LRP1B: variants seen among roughly 807,000 people sequenced by gnomAD.
The protein encoded by LRP1B is low-density lipoprotein receptor-related protein 1B.
A neutral mutation model predicts 556.6 loss-of-function variants in LRP1B; 217 were observed. That is an observed-to-expected ratio of 0.39 (90% confidence interval 0.35 to 0.44). The LOEUF is 0.44. Among genes scored for constraint, LRP1B ranks in the 20% least tolerant of loss-of-function variants. The pLI is 1.00. For missense variants in LRP1B, 5,053 were observed against 5,620.8 expected, an observed-to-expected ratio of 0.90 and a Z score of 3.23; for synonymous variants, 2,047 against 1,865.8, an observed-to-expected ratio of 1.10 and a Z score of -2.50.
chr2:142,065,669 A>G (rs1004022628), intron 1 of LRP1B, among the ~76,000 whole-genome samples: 1 of 149,868 alleles, frequency 6.7e-6, no homozygotes, highest in East Asian at 2.0e-4. Flanking sequence ...TTGTGGCAGC[A>G]GGGAGGGCAT....
chr2:141,237,764 A>G (rs961176826), intron 5 of LRP1B, among the ~76,000 whole-genome samples: 2 of 152,116 alleles, frequency 1.3e-5, no homozygotes, highest in South Asian at 4.1e-4. Flanking sequence ...CCTCCCCAGC[A>G]CAAACATATC....
At chr2:141,393,544 T>C (rs1690132464) in intron 3 of LRP1B, among the ~76,000 whole-genome samples, 1 of 152,162 alleles carries the variant, frequency 6.6e-6, no homozygotes, top group Non-Finnish European at 1.5e-5. Flanking sequence ...AAAATAATTA[T>C]TCCCTCATCA....
intron 2 of LRP1B, among the ~76,000 whole-genome samples, chr2:141,734,461 A>G (rs1217945034): frequency 6.6e-6 from 1 of 152,006 alleles, no homozygotes; most frequent in Admixed American, 6.6e-5. Context: ...AGAGATAGAG[A>G]GAGAGAGTGA....
rs573379939 is a variant in LRP1B at position 141,807,534 on chromosome 2, A to C, written c.205+2745T>G. 2.2e-4 allele frequency among the ~76,000 whole-genome samples: 34 copies of C among 152,252 alleles called. No individual in the cohort carries two copies. The South Asian group carries it at 6.8e-3, about 31-fold the overall frequency. ...GAAGAAACATTTTAATTTTGGATCC[A>C]TCAAATGTTATTGGAGAGGAAAGGA... On this transcript the variant is annotated intron_variant, in intron 2 of 90. Transcript: ENST00000389484.
At chr2:141,878,991 T>G (rs1219822472) in intron 1 of LRP1B, among the ~76,000 whole-genome samples, 2 of 151,916 alleles carry the variant, frequency 1.3e-5, no homozygotes, top group Admixed American at 6.6e-5. Flanking sequence ...GGGGAATATT[T>G]ACATAAATAT....
At chr2:141,956,766 G>C (rs1420889299) in intron 1 of LRP1B, among the ~76,000 whole-genome samples, 1 of 151,970 alleles carries the variant, frequency 6.6e-6, no homozygotes, top group Non-Finnish European at 1.5e-5. Flanking sequence ...ACATAGAAGG[G>C]ATAAAACATA....
At chr2:141,518,134 A>G (rs1442959026) in intron 2 of LRP1B, among the ~76,000 whole-genome samples, 4 of 146,858 alleles carry the variant, frequency 2.7e-5, no homozygotes, top group Admixed American at 2.0e-4. Flanking sequence ...AAAAAAAAAA[A>G]GTCTTTAAAT....
At position 141,892,261 on chromosome 2, in the gene LRP1B, A is replaced by G. The variant is rs1699314409; in HGVS notation, c.83-81860T>C. 3.3e-5 allele frequency among the ~76,000 whole-genome samples: 5 copies of G among 152,132 alleles called. No individual in the cohort carries two copies. The South Asian group carries it at 8.3e-4, about 25-fold the overall frequency. On this transcript the variant is annotated intron_variant, in intron 1 of 90. Transcript: ENST00000389484. ...AGTATTTTTAATAAAGGTTAAATAT[A>G]TTAAAAATTATATTAAATGCATATT...
intron 3 of LRP1B, among the ~76,000 whole-genome samples, chr2:141,367,626 G>A (rs543770464): frequency 6.6e-6 from 1 of 151,422 alleles, no homozygotes; most frequent in South Asian, 2.1e-4. Flanking sequence ...GGGACTACAG[G>A]TGCCCGCCAC....
At chr2:141,832,330 C>T (rs112004160) in intron 1 of LRP1B, among the ~76,000 whole-genome samples, 1 of 32,650 alleles carries the variant, frequency 3.1e-5, no homozygotes, top group African/African-American at 8.7e-5. Flanking sequence ...TTCTCTCTCA[C>T]ACACACACAC....
At chr2:140,888,422 C>T (rs1372777411) in intron 23 of LRP1B, among the ~76,000 whole-genome samples, 1 of 151,620 alleles carries the variant, frequency 6.6e-6, no homozygotes, top group East Asian at 1.9e-4. Flanking sequence ...ATATTACTAG[C>T]AAACCCAAAG....
chr2:141,302,530 A>C (rs1173213362), intron 3 of LRP1B, among the ~76,000 whole-genome samples: 1 of 151,996 alleles, frequency 6.6e-6, no homozygotes, highest in Admixed American at 6.6e-5. Flanking sequence ...CTTCCTTTTT[A>C]ATTTCTCATG....
intron 35 of LRP1B, among the ~76,000 whole-genome samples, chr2:140,751,018 G>C (rs1389406690): frequency 8.7e-6 from 1 of 115,588 alleles, no homozygotes; most frequent in African/African-American, 3.4e-5. Flanking sequence ...TTGAGATGAA[G>C]TCTTGCCATT....
chr2:141,519,382 TATATATATATATATATATATGAA>T (rs1290981327), intron 2 of LRP1B, among the ~76,000 whole-genome samples: 8,240 of 62,676 alleles, frequency 0.13, 545 homozygotes, highest in African/African-American at 0.25. Context: ...TATATATATA[TATATATATATATATATATATGAA>T]ATGCAATATT....
intron 89 of LRP1B, among the ~76,000 whole-genome samples, chr2:140,237,209 T>C (rs896302930): frequency 6.6e-6 from 1 of 150,980 alleles, no homozygotes; most frequent in Admixed American, 6.6e-5. Context: ...ACTATTCTAC[T>C]CTCTACTTCA....
At chr2:141,534,411 A>G (rs893936747) in intron 2 of LRP1B, among the ~76,000 whole-genome samples, 1 of 152,136 alleles carries the variant, frequency 6.6e-6, no homozygotes, top group Non-Finnish European at 1.5e-5. Context: ...GCCTTTTGAC[A>G]GATCATTTTT....
intron 1 of LRP1B, among the ~76,000 whole-genome samples, chr2:142,101,633 T>A (rs1706572082): frequency 6.6e-6 from 1 of 152,004 alleles, no homozygotes; most frequent in Non-Finnish European, 1.5e-5. Context: ...AAACTATTTT[T>A]AACTGTTTCT....
chr2:141,808,051 T>A (rs1482448336), intron 2 of LRP1B, among the ~76,000 whole-genome samples: 1 of 152,058 alleles, frequency 6.6e-6, no homozygotes, highest in African/African-American at 2.4e-5. Context: ...ACAAAATCTC[T>A]CCAGTCTGTT....
At position 141,840,932 on chromosome 2, in the gene LRP1B, GA is replaced by G. The variant is rs5834873; in HGVS notation, c.83-30532del. Among the ~76,000 whole-genome samples the G allele has an allele frequency of 1.2e-3, 169 of 146,000 alleles. 1 individual carries two copies. Among genetic ancestry groups the G allele is most frequent in the Middle Eastern group, 3.6e-3 (1 of 278 alleles). Reference sequence around the variant, plus strand: ...AAAATGCTAATTCCATGCATCTAGGGAAAAAAAAAAAAACCGTGGTGGTGCT... The same window carrying G: ...AAAATGCTAATTCCATGCATCTAGGGAAAAAAAAAAAACCGTGGTGGTGCT... On this transcript the variant is annotated intron_variant, in intron 1 of 90. Coordinates refer to ENST00000389484, the MANE Select transcript of LRP1B (RefSeq NM_018557.3).
Sources: gnomAD v4.1 joint callset for allele counts (sites outside exome capture counted in the v4.1 genomes callset) on GRCh38, gnomAD v4.1.1 for gene constraint, MANE v1.5 for transcripts, NCBI Gene and HGNC (gene_info 2026-07-23, HGNC 2026-07-21) for gene names.